Variants in RBM44 observed in about 807,000 individuals in gnomAD.
The protein encoded by RBM44 is RNA binding motif protein 44.
RBM44 carries 66 observed loss-of-function variants against 105.1 expected under a neutral mutation model. The observed-to-expected ratio is 0.63, with a 90% CI of 0.52 to 0.77. RBM44 has a LOEUF of 0.77. Ranked by LOEUF, RBM44 falls within the 30% of genes least tolerant of loss-of-function variation. The pLI is 0.00. For missense variants in RBM44, 1,122 were observed against 1,207.8 expected (o/e 0.93, Z 1.05); for synonymous variants, 365 against 417.6 (o/e 0.87, Z 1.54).
intron 2 of RBM44, 97 bp downstream of exon 2, chr2:237,813,779 C>G (rs935167229): frequency 1.3e-6 from 1 of 752,500 alleles, no homozygotes; most frequent in Middle Eastern, 2.5e-4. Context: ...CTTTTTAACT[C>G]TTCCTCCCTC....
chr2:237,819,218 G>A (rs191106902), intron 4 of RBM44, among the ~76,000 whole-genome samples: 3 of 151,992 alleles, frequency 2.0e-5, no homozygotes, highest in Non-Finnish European at 2.9e-5. Context: ...AATCCATACT[G>A]ATTTAATTTT....
Position 237,829,412 on chromosome 2 carries a change from C to A in RBM44, c.2796C>A (p.Ile932=). 6.2e-7 allele frequency: 1 copy of A among 1,613,654 alleles called. No individual in the cohort carries two copies. The highest frequency in any genetic ancestry group is 8.5e-7 in the Non-Finnish European group (1 of 1,179,644). ...NNLEKSTNKQ[I]HSEFSISRLP... ...TAGAGAAAAGCACCAACAAACAAAT[C>A]CACTCAGAATTCTCCATTTCTAGAT... Residue 932 remains isoleucine, a synonymous_variant, in exon 13 of 16, where the codon ATC becomes ATA. Transcript: ENST00000316997.
At position 237,818,349 on chromosome 2, in the gene RBM44, G is replaced by A. The variant is rs750165705; in HGVS notation, c.1430G>A (p.Cys477Tyr). The A allele has an allele frequency of 6.2e-7, 1 of 1,607,934 alleles. No homozygotes were observed. The highest frequency in any genetic ancestry group is 1.3e-5 in the African/African-American group (1 of 74,552). The change falls in exon 3 of 16, where the codon TGT (cysteine) becomes TAT (tyrosine). Residue 477 changes from cysteine to tyrosine, a missense_variant. By Grantham distance (194) the Cys-to-Tyr change is radical. Around this residue, in one of 3 missense-constraint regions of RBM44, gnomAD observed 918 missense variants for 955.3 expected, o/e 0.96. Transcript: ENST00000316997. The surrounding 1 kb of genome is among the most constrained non-coding windows in gnomAD (Gnocchi z 4.6). ...GACGTTAGCACTGATTTTAGGGCTT[G>A]TTTCACAACCAGCAGGGCAACAAGT... Reference protein sequence around the residue: ...TVDVSTDFRACFTTSRATSAR... With the variant: ...TVDVSTDFRAYFTTSRATSAR...
chr2:237,839,218 TG>T (rs1230113287), intron 15 of RBM44, among the ~76,000 whole-genome samples: 1 of 152,152 alleles, frequency 6.6e-6, no homozygotes, highest in East Asian at 1.9e-4. Context: ...GTTGTAAATC[TG>T]GGGGCAACTA....
chr2:237,806,310 T>A (rs938897135), intron 1 of RBM44, among the ~76,000 whole-genome samples: 1 of 152,234 alleles, frequency 6.6e-6, no homozygotes. Flanking sequence ...TCAGTCTTTT[T>A]AAAGAAACAA....
intron 1 of RBM44, among the ~76,000 whole-genome samples, chr2:237,809,505 A>T (rs1326532577): frequency 2.0e-5 from 3 of 152,142 alleles, no homozygotes; most frequent in African/African-American, 7.2e-5. Context: ...CCATGTCTGC[A>T]TCTATTGGTC....
At chr2:237,813,782 C>T (rs1052650516) in intron 2 of RBM44, 100 bp downstream of exon 2, 4 of 750,522 alleles carry the variant, frequency 5.3e-6, no homozygotes, top group Non-Finnish European at 9.3e-6. Context: ...TTTAACTCTT[C>T]CTCCCTCTAA....
In RBM44 at chr2:237,829,220, T is replaced by C. The variant is rs755513371; in HGVS notation, c.2604T>C (p.Tyr868=). ...GTTTTCTGCTCTTATGTTTTAGATATGCATCTCTTGCTTTTACAAAAAACA... is the reference window on the plus strand; with the variant it reads ...GTTTTCTGCTCTTATGTTTTAGATACGCATCTCTTGCTTTTACAAAAAACA... ...ISIYDSTNYR[Y]ASLAFTKNSD... Residue 868 remains tyrosine (Y), a synonymous_variant, in exon 13 of 16, where the codon TAT becomes TAC. Transcript: ENST00000316997. The C allele has an allele frequency of 4.9e-5, 78 of 1,604,798 alleles. No homozygotes were observed. The highest frequency in any genetic ancestry group is 5.5e-5 in the Non-Finnish European group (65 of 1,175,668).
Position 237,817,595 on chromosome 2 carries a change from G to GTTAAATGTGCT in RBM44, c.677_687dup (p.Ser230LeufsTer7). On this transcript the variant is annotated frameshift_variant, in exon 3 of 16. Transcript: ENST00000316997. LOFTEE classifies it high-confidence loss of function. ...TGAATTAGGAAATTCGGGTTATGAA[G>GTTAAATGTGCT]TTAAATGTGCTAGCAATGTAGAAGA... The GTTAAATGTGCT allele has an allele frequency of 6.2e-7, 1 of 1,612,894 alleles. No homozygotes were observed. Among genetic ancestry groups the GTTAAATGTGCT allele is most frequent in the South Asian group, 1.1e-5 (1 of 91,042 alleles).
chr2:237,802,460 G>A (rs888133415), intron 1 of RBM44, among the ~76,000 whole-genome samples: 5 of 152,160 alleles, frequency 3.3e-5, no homozygotes, highest in African/African-American at 2.4e-5. Flanking sequence ...CCTCTGGTCC[G>A]TGGAAAAATT....
At position 237,806,665 on chromosome 2, in the gene RBM44, TC is replaced by T. The variant is rs546934562; in HGVS notation, c.-18-6925del. Among the ~76,000 whole-genome samples, 268 of 152,296 alleles carry T rather than the reference TC, an allele frequency of 1.8e-3. 10 individuals are homozygous for T. Among genetic ancestry groups the T allele is most frequent in the Admixed American group, 0.017 (266 of 15,296 alleles). ...GGCGTTAGAAATTGCAGGACAGTGT[TC>T]CTGAGAGAAGGGAGATATATAAAAG... On this transcript the variant is annotated intron_variant, in intron 1 of 15. Coordinates refer to ENST00000316997, the MANE Select transcript of RBM44 (RefSeq NM_001080504.3).
chr2:237,804,557 T>C (rs2061579639), intron 1 of RBM44, among the ~76,000 whole-genome samples: 1 of 152,238 alleles, frequency 6.6e-6, no homozygotes, highest in Non-Finnish European at 1.5e-5. Context: ...CTGAACATTT[T>C]TTTATATTTG....
At chr2:237,820,984 A>G (rs2061780919) in intron 5 of RBM44, 87 bp from the exon 6 acceptor site, 9 of 993,876 alleles carry the variant, frequency 9.1e-6, no homozygotes, top group Non-Finnish European at 1.0e-5. Context: ...CCAGGAGTTC[A>G]AGAACCAAGT....
intron 2 of RBM44, among the ~76,000 whole-genome samples, chr2:237,816,742 G>A (rs1283803629): frequency 6.6e-6 from 1 of 152,108 alleles, no homozygotes; most frequent in Non-Finnish European, 1.5e-5. Flanking sequence ...TTAGGGTCTT[G>A]CCCTCATGAC....
At chr2:237,826,492 C>T (rs1221293620) in intron 10 of RBM44, among the ~76,000 whole-genome samples, 1 of 151,998 alleles carries the variant, frequency 6.6e-6, no homozygotes, top group Admixed American at 6.6e-5. Context: ...GTGCCCTTAC[C>T]GTTATTGCAA....
At chr2:237,807,504 G>T (rs2061611013) in intron 1 of RBM44, among the ~76,000 whole-genome samples, 1 of 152,216 alleles carries the variant, frequency 6.6e-6, no homozygotes, top group Non-Finnish European at 1.5e-5. Flanking sequence ...AGTCAGATAA[G>T]AAGTTACCAG....
At position 237,818,528 on chromosome 2, in the gene RBM44, A is replaced by G. The variant is rs774318138; in HGVS notation, c.1609A>G (p.Ile537Val). The G allele has an allele frequency of 3.1e-6, 5 of 1,602,700 alleles. No homozygotes were observed. The highest frequency in any genetic ancestry group is 1.3e-5 in the African/African-American group (1 of 74,284). The change falls in exon 3 of 16, where the codon ATA (isoleucine) becomes GTA (valine). Residue 537 changes from isoleucine to valine, a missense_variant. By Grantham distance (29) the Ile-to-Val change is conservative (BLOSUM62 3). Coordinates refer to ENST00000316997, the MANE Select transcript of RBM44 (RefSeq NM_001080504.3). The surrounding 1 kb of genome is among the most constrained non-coding windows in gnomAD (Gnocchi z 4.6). Reference protein sequence around the residue: ...SEDCIDTQMAITKGSGKSLSV... With the variant: ...SEDCIDTQMAVTKGSGKSLSV... ...AGATTGTATAGATACACAGATGGCT[A>G]TAACAAAAGGATCAGGAAAATCTCT...
Position 237,820,293 on chromosome 2 carries a change from C to A in RBM44, c.1855C>A (p.Arg619Ser), listed in dbSNP as rs200368198. The change falls in exon 5 of 16, where the codon CGT becomes AGT. Residue 619 changes from arginine (R) to serine (S), a missense_variant. Around this residue, in one of 3 missense-constraint regions of RBM44, gnomAD observed 918 missense variants for 955.3 expected, o/e 0.96. Transcript: ENST00000316997. ...TTTAAATGTTCACTATCAGATGTGTCGTCGCCATTGTTGTGATATTTACAA... is the reference window on the plus strand; with the variant it reads ...TTTAAATGTTCACTATCAGATGTGTAGTCGCCATTGTTGTGATATTTACAA... ...HLLNVHYQMC[R>S]RHCCDIYKLV... 1 of 1,602,736 alleles carries A rather than the reference C, an allele frequency of 6.2e-7. No homozygotes were observed. Among genetic ancestry groups the A allele is most frequent in the South Asian group, 1.1e-5 (1 of 89,298 alleles).
rs549631755 is a variant in RBM44 at position 237,834,053 on chromosome 2, C to T, written c.2943C>T (p.Pro981=). 41 of 1,573,040 alleles carry T rather than the reference C, an allele frequency of 2.6e-5. No homozygotes were observed. The East Asian group carries it at 7.1e-4, about 27-fold the overall frequency. The change falls in exon 14 of 16, where the codon CCC becomes CCT. Residue 981 remains proline, a synonymous_variant. Coordinates refer to ENST00000316997, the MANE Select transcript of RBM44 (RefSeq NM_001080504.3). ...IESAKLLPDT[P]VQFIPPNTLN... is the part of the protein sequence containing the mutation. The stretch of plus-strand genomic sequence containing the variant: ...CTGCTAAATTATTACCTGATACACC[C>T]GTTCAATTCATACCTCCAAATACAT...
Sources: allele counts gnomAD v4.1 joint callset (sites outside exome capture counted in the v4.1 genomes callset), GRCh38; gene constraint gnomAD v4.1.1; regional missense constraint gnomAD v4.1.1; non-coding constraint Gnocchi (gnomAD v3.1); transcripts MANE v1.5; gene names NCBI Gene and HGNC (gene_info 2026-07-23, HGNC 2026-07-21).